Variants in THRB observed in about 807,000 individuals in gnomAD.
THRB encodes the protein nuclear receptor subfamily 1 group A member 2.
THRB carries 12 observed loss-of-function variants against 47.8 expected under a neutral mutation model. The observed-to-expected ratio is 0.25, with a 90% CI of 0.16 to 0.41. The LOEUF (loss-of-function observed/expected upper bound fraction) is 0.41. Among genes scored for constraint, THRB ranks in the 10% least tolerant of loss-of-function variants. THRB has a pLI of 1.00. For synonymous variants in THRB, 218 were observed against 212.2 expected, an observed-to-expected ratio of 1.03 and a Z score of -0.24; for missense variants, 348 against 589.2, an observed-to-expected ratio of 0.59 and a Z score of 4.24.
chr3:24,396,683 G>C (rs1328036508), intron 1 of THRB, among the ~76,000 whole-genome samples: 1 of 152,062 alleles, frequency 6.6e-6, no homozygotes, highest in Non-Finnish European at 1.5e-5. Flanking sequence ...AGGCTTCCAT[G>C]GCTCTTTCTT....
chr3:24,167,480 A>G (rs1056048893), intron 5 of THRB, among the ~76,000 whole-genome samples: 2 of 152,154 alleles, frequency 1.3e-5, no homozygotes, highest in African/African-American at 4.8e-5. Context: ...ATGTCAAAAC[A>G]TTTCATTGGA....
At chr3:24,421,444 T>C (rs1210545029) in intron 1 of THRB, among the ~76,000 whole-genome samples, 1 of 151,638 alleles carries the variant, frequency 6.6e-6, no homozygotes, top group Admixed American at 6.6e-5. Flanking sequence ...TGAAAAGAGA[T>C]TAAAGCAGGA....
intron 4 of THRB, among the ~76,000 whole-genome samples, chr3:24,193,450 A>G (rs2149640237): frequency 6.6e-6 from 1 of 152,346 alleles, no homozygotes; most frequent in East Asian, 1.9e-4. Context: ...AAGAAAATAA[A>G]TTAGTGACAG....
chr3:24,219,461 C>T (rs1478821465), intron 4 of THRB, among the ~76,000 whole-genome samples: 1 of 152,134 alleles, frequency 6.6e-6, no homozygotes. Context: ...GGAGAGTTTG[C>T]TGTTCTGATG....
chr3:24,294,478 G>A (rs191995700), intron 3 of THRB, among the ~76,000 whole-genome samples: 2 of 152,328 alleles, frequency 1.3e-5, no homozygotes, highest in Admixed American at 6.5e-5. Flanking sequence ...GCAATTAGAT[G>A]TAAGAGGCAG....
At chr3:24,204,477 G>A (rs1575842300) in intron 4 of THRB, among the ~76,000 whole-genome samples, 2 of 152,254 alleles carry the variant, frequency 1.3e-5, no homozygotes, top group Admixed American at 6.5e-5. Context: ...AAACAGAAAG[G>A]ACATCCACAC....
chr3:24,278,326 T>C lies in THRB; in HGVS notation c.-43+18900A>G, dbSNP rs1459671015. ...AAGAAACTGGAAAAGAAATGAGAAA[T>C]AATTTGAACAGTGTTAAAATTGGTA... is the stretch of plus-strand genomic sequence containing the variant. On this transcript the variant is annotated intron_variant, in intron 3 of 10. Transcript: ENST00000646209. Among the ~76,000 whole-genome samples, 4 of 152,178 alleles carry C rather than the reference T, an allele frequency of 2.6e-5. No individual in the cohort carries two copies. The East Asian group carries it at 5.8e-4, about 22-fold the overall frequency.
At chr3:24,213,259 T>A (rs1010961) in intron 4 of THRB, among the ~76,000 whole-genome samples, 81,680 of 151,626 alleles carry the variant, frequency 0.54, 23,942 homozygotes, top group African/African-American at 0.8. Flanking sequence ...GTGCATGTGG[T>A]GTTCAAAAGC....
At chr3:24,363,293 A>T (rs182517864) in intron 1 of THRB, among the ~76,000 whole-genome samples, 6 of 152,296 alleles carry the variant, frequency 3.9e-5, no homozygotes, top group Admixed American at 3.9e-4. Context: ...CACTGCAAAC[A>T]TGTCCCCAGG....
intron 3 of THRB, among the ~76,000 whole-genome samples, chr3:24,291,342 A>G (rs914213805): frequency 6.6e-6 from 1 of 152,222 alleles, no homozygotes; most frequent in African/African-American, 2.4e-5. Context: ...ATATTTAAAT[A>G]TAAAGTGCAA....
At chr3:24,243,134 G>C (rs1218686923) in intron 3 of THRB, among the ~76,000 whole-genome samples, 1 of 149,360 alleles carries the variant, frequency 6.7e-6, no homozygotes, top group Non-Finnish European at 1.5e-5. Context: ...ATTAGTGTCT[G>C]TAGCTCAGGC....
intron 1 of THRB, among the ~76,000 whole-genome samples, chr3:24,382,989 T>C (rs1328569659): frequency 6.6e-6 from 1 of 152,116 alleles, no homozygotes; most frequent in Admixed American, 6.6e-5. Context: ...ATCCGGAACA[T>C]TCCCCTCTAG....
chr3:24,320,952 C>T (rs2058446029), intron 2 of THRB, among the ~76,000 whole-genome samples: 1 of 152,170 alleles, frequency 6.6e-6, no homozygotes, highest in African/African-American at 2.4e-5. Context: ...AGAGCCATCT[C>T]TTTAAGGCCT....
chr3:24,195,567 A>C (rs942219144), intron 4 of THRB, among the ~76,000 whole-genome samples: 1 of 152,224 alleles, frequency 6.6e-6, no homozygotes, highest in Non-Finnish European at 1.5e-5. Flanking sequence ...ATTTAAAAGT[A>C]TAAATAAGAG....
chr3:24,202,109 A>T (rs139989275), intron 4 of THRB, among the ~76,000 whole-genome samples: 2 of 152,208 alleles, frequency 1.3e-5, no homozygotes, highest in South Asian at 4.1e-4. Flanking sequence ...CTTTATGGGA[A>T]GTCAACACTG....
At chr3:24,165,669 T>C (rs2039553806) in intron 5 of THRB, 1 of 225,858 alleles carries the variant, frequency 4.4e-6, no homozygotes, top group African/African-American at 2.3e-5. Flanking sequence ...AGTTAATTCC[T>C]GGGGAAGATG....
At chr3:24,208,608 C>T (rs552219205) in intron 4 of THRB, among the ~76,000 whole-genome samples, 130 of 152,284 alleles carry the variant, frequency 8.5e-4, no homozygotes, top group African/African-American at 2.6e-3. Flanking sequence ...AAAGGATTCC[C>T]TATTTAATAA....
chr3:24,148,307 A>G (rs984935080), intron 6 of THRB, among the ~76,000 whole-genome samples: 1 of 152,124 alleles, frequency 6.6e-6, no homozygotes, highest in Non-Finnish European at 1.5e-5. Flanking sequence ...TTGTATTTTT[A>G]GTAGAGACGG....
At position 24,312,540 on chromosome 3, in the gene THRB, C is replaced by T. The variant is rs142911552; in HGVS notation, c.-188-15169G>A. Among the ~76,000 whole-genome samples, 5 of 152,314 alleles carry T rather than the reference C, an allele frequency of 3.3e-5. No homozygotes were observed. In the East Asian group the frequency reaches 9.7e-4, roughly 29 times the overall value. ...TCAAACCATGCTTCCTACGTATACG[C>T]CCACATTTGTGTGGCAGAATCATTA... On this transcript the variant is annotated intron_variant, in intron 2 of 10. Coordinates refer to ENST00000646209, the MANE Select transcript of THRB (RefSeq NM_001354712.2).
Sources: allele counts gnomAD v4.1 joint callset (sites outside exome capture counted in the v4.1 genomes callset), GRCh38; gene constraint gnomAD v4.1.1; transcripts MANE v1.5; gene names NCBI Gene and HGNC (gene_info 2026-07-23, HGNC 2026-07-21).